PRDM2: variants seen among roughly 807,000 people sequenced by gnomAD.
The protein encoded by PRDM2 is PR/SET domain 2, also known as PR domain zinc finger protein 2.
PRDM2 carries 30 observed loss-of-function variants against 130.0 expected under a neutral mutation model. That is an observed-to-expected ratio of 0.23 (90% CI 0.17 to 0.31). The LOEUF (loss-of-function observed/expected upper bound fraction) is 0.31. PRDM2 is among the 10% of genes least tolerant of loss of function. The pLI is 1.00. For missense variants in PRDM2, 2,011 were observed against 2,108.4 expected, an observed-to-expected ratio of 0.95 and a Z score of 0.90; for synonymous variants, 871 against 782.4, an observed-to-expected ratio of 1.11 and a Z score of -1.89.
intron 9 of PRDM2, among the ~76,000 whole-genome samples, chr1:13,819,086 C>G (rs139977328): frequency 6.6e-6 from 1 of 152,288 alleles, no homozygotes; most frequent in Non-Finnish European, 1.5e-5. Flanking sequence ...TCCTTGCGGC[C>G]AAGGCTGCTA....
chr1:13,816,466 G>A lies in PRDM2; in HGVS notation c.5076G>A (p.Ala1692=), dbSNP rs768934134. 1.7e-5 allele frequency: 27 copies of A among 1,613,972 alleles called. No individual in the cohort carries two copies. The highest frequency in any genetic ancestry group is 4.0e-5 in the African/African-American group (3 of 74,892). The change falls in exon 9 of 10, where the codon GCG becomes GCA. Residue 1692 remains alanine (A), a synonymous_variant. Transcript: ENST00000311066. ...TGGCGTCCCGATGCTCTCCACCAGC[G>A]GCCCCGTACATCACCAGGCAGTATA... The part of the protein sequence containing the change: ...LRLASRCSPP[A]APYITRQYRK...
rs538122679 is a variant in PRDM2 at position 13,804,900 on chromosome 1, C to A, written c.5037-11527C>A. Among the ~76,000 whole-genome samples, 2 of 152,194 alleles carry A rather than the reference C, an allele frequency of 1.3e-5. 1 individual carries two copies. Among genetic ancestry groups the A allele is most frequent in the African/African-American group, 4.8e-5 (2 of 41,450 alleles). ...TGCTCTATGGGCAAAGGCTCACCCCCACCTGGCTTTGGGATATTGGAAACA... is the reference window on the plus strand; with the variant it reads ...TGCTCTATGGGCAAAGGCTCACCCCAACCTGGCTTTGGGATATTGGAAACA... On this transcript the variant is annotated intron_variant, in intron 8 of 9. Coordinates refer to ENST00000311066, the MANE Select transcript of PRDM2 (RefSeq NM_001393986.1).
rs1274290306 is a variant in PRDM2, at chr1:13,824,557, T to C, written c.*1422T>C. 6.6e-6 allele frequency: 1 copy of C among 151,940 alleles called. No homozygotes were observed. The highest frequency in any genetic ancestry group is 1.5e-5 in the Non-Finnish European group (1 of 67,992). 9.4% of individuals were successfully genotyped at this position (151,940 alleles called of 1,614,324 possible). On this transcript the variant is annotated 3_prime_UTR_variant, in exon 10 of 10. Coordinates refer to ENST00000311066, the MANE Select transcript of PRDM2 (RefSeq NM_001393986.1). Reference sequence around the variant, plus strand: ...GCGGACCCTCACATGGGCAGAAAAATGGTGGTCATTGGCCGACATCACAGT... The same window carrying C: ...GCGGACCCTCACATGGGCAGAAAAACGGTGGTCATTGGCCGACATCACAGT...
intron 1 of PRDM2, among the ~76,000 whole-genome samples, chr1:13,711,951 GAGA>G (rs1642382252): frequency 6.6e-6 from 1 of 150,890 alleles, no homozygotes; most frequent in African/African-American, 2.4e-5. Flanking sequence ...AGTGTAGAAA[GAGA>G]AGATTATTAA....
At chr1:13,715,006 T>C (rs895739034) in intron 1 of PRDM2, among the ~76,000 whole-genome samples, 14 of 152,248 alleles carry the variant, frequency 9.2e-5, no homozygotes, top group Non-Finnish European at 1.9e-4. Flanking sequence ...TGTAGCTGTT[T>C]CCCAACATCT....
At chr1:13,754,951 C>G (rs1345186948) in intron 6 of PRDM2, among the ~76,000 whole-genome samples, 1 of 152,138 alleles carries the variant, frequency 6.6e-6, no homozygotes, top group Admixed American at 6.5e-5. Flanking sequence ...CCTGTCTCTG[C>G]TGTAGCTTTC....
chr1:13,721,497 C>A (rs1642728519), intron 2 of PRDM2, among the ~76,000 whole-genome samples: 1 of 152,008 alleles, frequency 6.6e-6, no homozygotes, highest in Admixed American at 6.5e-5. Flanking sequence ...TCTGTTTTGA[C>A]TTAAACCTCA....
At chr1:13,817,694 A>G (rs2100770449) in intron 9 of PRDM2, among the ~76,000 whole-genome samples, 1 of 151,818 alleles carries the variant, frequency 6.6e-6, no homozygotes, top group East Asian at 1.9e-4. Flanking sequence ...ATAGGGCCAA[A>G]CCCCATTAAA....
chr1:13,818,071 C>T (rs1645286091), intron 9 of PRDM2, among the ~76,000 whole-genome samples: 1 of 152,154 alleles, frequency 6.6e-6, no homozygotes, highest in African/African-American at 2.4e-5. Context: ...CTGGCCACCA[C>T]CCCCCACAGC....
At chr1:13,728,475 C>T (rs61775107) in intron 2 of PRDM2, among the ~76,000 whole-genome samples, 26,454 of 152,150 alleles carry the variant, frequency 0.17, 2,903 homozygotes, top group Admixed American at 0.24. Flanking sequence ...GCCATAGCCA[C>T]GGCCATGGAG....
chr1:13,729,558 T>A (rs1367219675), intron 2 of PRDM2, among the ~76,000 whole-genome samples: 2 of 152,186 alleles, frequency 1.3e-5, no homozygotes, highest in Non-Finnish European at 2.9e-5. Flanking sequence ...GCTTATAGAT[T>A]AAGAATTTAA....
chr1:13,739,374 G>T (rs1165089456), intron 4 of PRDM2, among the ~76,000 whole-genome samples: 2 of 152,024 alleles, frequency 1.3e-5, no homozygotes, highest in East Asian at 3.9e-4. Context: ...AATCATCAAC[G>T]TATTGTGAAT....
In PRDM2 at chr1:13,780,132, C is replaced by T. The variant is rs534572658; in HGVS notation, c.2337C>T (p.Ser779=). The T allele has an allele frequency of 2.3e-5, 37 of 1,610,246 alleles. No homozygotes were observed. The East Asian group carries it at 2.9e-4, about 13-fold the overall frequency. The part of the protein sequence containing the change: ...TSKKSKLESH[S]DSPAWSLSGR... ...AAAAATCCAAATTAGAAAGTCACAG[C>T]GACTCACCAGCATGGAGTTTGTCTG... Residue 779 remains serine (S), a synonymous_variant, in exon 8 of 10, where the codon AGC becomes AGT. Transcript: ENST00000311066.
intron 8 of PRDM2, among the ~76,000 whole-genome samples, chr1:13,809,828 T>G (rs776976935): frequency 6.6e-6 from 1 of 152,190 alleles, no homozygotes; most frequent in African/African-American, 2.4e-5. Context: ...CAGAATACCA[T>G]GGACTAGGCG....
At chr1:13,786,681 A>G in intron 8 of PRDM2, 10 of 1,498,470 alleles carry the variant, frequency 6.7e-6, no homozygotes, top group Non-Finnish European at 8.9e-6. Flanking sequence ...GATTGCCGGC[A>G]GGCTTAGAGT....
intron 8 of PRDM2, among the ~76,000 whole-genome samples, chr1:13,784,407 C>T (rs904857959): frequency 6.6e-6 from 1 of 152,140 alleles, no homozygotes; most frequent in African/African-American, 2.4e-5. Flanking sequence ...ACCTCCCAGG[C>T]GGTTGATGCT....
chr1:13,780,198 T>C lies in PRDM2; in HGVS notation c.2403T>C (p.Asp801=). ...ERETVSPPCF[D]EYKMSKEWTA... The stretch of plus-strand genomic sequence containing the variant: ...AAACTGTGAGCCCTCCATGCTTTGA[T>C]GAATATAAAATGTCTAAAGAGTGGA... Residue 801 remains aspartate, a synonymous_variant, in exon 8 of 10, where the codon GAT becomes GAC. Transcript: ENST00000311066. 1 of 1,601,148 alleles carries C rather than the reference T, an allele frequency of 6.2e-7. No homozygotes were observed. The highest frequency in any genetic ancestry group is 8.5e-7 in the Non-Finnish European group (1 of 1,172,714).
intron 6 of PRDM2, among the ~76,000 whole-genome samples, chr1:13,765,921 C>T (rs1644216364): frequency 6.6e-6 from 1 of 152,166 alleles, no homozygotes; most frequent in South Asian, 2.1e-4. Flanking sequence ...GCCTTTTCAT[C>T]TTGCTTTGAG....
At chr1:13,708,270 C>A (rs1335729889) in intron 1 of PRDM2, among the ~76,000 whole-genome samples, 1 of 151,896 alleles carries the variant, frequency 6.6e-6, no homozygotes, top group East Asian at 1.9e-4. Context: ...GATTTATAGT[C>A]CTTTCCTAGC....
Sources: allele counts gnomAD v4.1 joint callset (sites outside exome capture counted in the v4.1 genomes callset), GRCh38; gene constraint gnomAD v4.1.1; transcripts MANE v1.5; gene names NCBI Gene and HGNC (gene_info 2026-07-23, HGNC 2026-07-21).